Variants in SLIT3 observed in about 807,000 individuals in gnomAD.
SLIT3 encodes the protein slit homolog 3 protein.
In SLIT3, 68 loss-of-function variants were observed where a neutral mutation model predicts 184.0. The observed-to-expected ratio is 0.37, with a 90% CI of 0.30 to 0.45. The LOEUF is 0.45. Among genes scored for constraint, SLIT3 ranks in the 20% least tolerant of loss-of-function variants. SLIT3 has a pLI of 1.00. For missense variants in SLIT3, 1,707 were observed against 2,026.0 expected (o/e 0.84, Z 3.02); for synonymous variants, 831 against 828.6 (o/e 1.00, Z -0.05).
Position 168,774,362 on chromosome 5 carries a change from T to C in SLIT3, c.1168A>G (p.Lys390Glu). ...SLQLLLLNAN[K>E]INCLRVNTFQ... The stretch of plus-strand genomic sequence containing the variant: ...GTGTTCACCCGCAGGCAGTTGATCT[T>C]GTTGGCATTGAGGAGGCTGCAAACA... Residue 390 changes from lysine to glutamate, a missense_variant, in exon 13 of 36, where the codon AAG becomes GAG. Physicochemically the swap from Lys to Glu is moderately conservative, Grantham distance 56 (BLOSUM62 1). Coordinates refer to ENST00000519560, the MANE Select transcript of SLIT3 (RefSeq NM_003062.4). 1.2e-6 allele frequency: 2 copies of C among 1,612,660 alleles called. No individual in the cohort carries two copies. Among genetic ancestry groups the C allele is most frequent in the Non-Finnish European group, 1.7e-6 (2 of 1,179,494 alleles).
intron 4 of SLIT3, among the ~76,000 whole-genome samples, chr5:168,978,880 G>C (rs1754853561): frequency 7.8e-6 from 1 of 128,930 alleles, no homozygotes; most frequent in Admixed American, 9.6e-5. Flanking sequence ...GGAGGGTGCT[G>C]TCATCCACCT....
At chr5:169,140,509 A>AT (rs1280746004) in intron 4 of SLIT3, among the ~76,000 whole-genome samples, 12 of 135,684 alleles carry the variant, frequency 8.8e-5, no homozygotes, top group African/African-American at 3.3e-4. Context: ...AAAAAAAAAA[A>AT]GACGCAGGCG....
intron 8 of SLIT3, among the ~76,000 whole-genome samples, chr5:168,814,604 T>C (rs767693774): frequency 6.6e-6 from 1 of 152,156 alleles, no homozygotes; most frequent in Non-Finnish European, 1.5e-5. Flanking sequence ...CACTCATGTT[T>C]CAACTGCACA....
At chr5:169,292,465 C>A (rs1767389039) in intron 1 of SLIT3, among the ~76,000 whole-genome samples, 1 of 152,098 alleles carries the variant, frequency 6.6e-6, no homozygotes, top group Non-Finnish European at 1.5e-5. Context: ...TATGAACCAA[C>A]AGAACCCCAG....
At chr5:169,034,230 C>T (rs565237524) in intron 4 of SLIT3, among the ~76,000 whole-genome samples, 1 of 152,232 alleles carries the variant, frequency 6.6e-6, no homozygotes, top group East Asian at 1.9e-4. Context: ...CTTTGCTATG[C>T]AGACACTTTT....
intron 29 of SLIT3, among the ~76,000 whole-genome samples, chr5:168,691,019 G>T (rs1582534215): frequency 6.6e-6 from 1 of 152,138 alleles, no homozygotes; most frequent in African/African-American, 2.4e-5. Flanking sequence ...AAGGGGTGGG[G>T]CTGCTTCTCT....
In SLIT3 at chr5:169,098,188, A is replaced by C. The variant is rs116632537; in HGVS notation, c.413+95291T>G. 7.1e-3 allele frequency among the ~76,000 whole-genome samples: 1,081 copies of C among 152,180 alleles called. 20 individuals carry two copies. The highest frequency in any genetic ancestry group is 0.024 in the African/African-American group (995 of 41,534). On this transcript the variant is annotated intron_variant, in intron 4 of 35. Transcript: ENST00000519560. ...TTTCATGCCTTAGAGTTAATTATTCAGTCACGAATTACTCCAGGAAGAACT... is the reference window on the plus strand; with the variant it reads ...TTTCATGCCTTAGAGTTAATTATTCCGTCACGAATTACTCCAGGAAGAACT...
chr5:169,032,654 G>A (rs750981803), intron 4 of SLIT3, among the ~76,000 whole-genome samples: 6 of 147,004 alleles, frequency 4.1e-5, no homozygotes, highest in African/African-American at 1.0e-4. Context: ...GAGTCGATCT[G>A]CTAGTTATTT....
chr5:168,668,056 G>A (rs1360249086), intron 35 of SLIT3, among the ~76,000 whole-genome samples: 2 of 152,114 alleles, frequency 1.3e-5, no homozygotes, highest in Non-Finnish European at 2.9e-5. Context: ...ATAAAATGTG[G>A]AAAAGTCCTC....
chr5:168,795,539 T>A lies in SLIT3; in HGVS notation c.975A>T (p.Gly325=). The change falls in exon 10 of 36, where the codon GGA becomes GGT. Residue 325 remains glycine, a synonymous_variant. Coordinates refer to ENST00000519560, the MANE Select transcript of SLIT3 (RefSeq NM_003062.4). ...EQNSIKAIPA[G]AFTQYKKLKR... ...TCAGTTTCTTGTACTGGGTGAAGGCTCCTGCAGGGATGGCTTTGATGGAGT... is the reference window on the plus strand; with the variant it reads ...TCAGTTTCTTGTACTGGGTGAAGGCACCTGCAGGGATGGCTTTGATGGAGT... The A allele has an allele frequency of 6.2e-7, 1 of 1,613,980 alleles. No individual in the cohort carries two copies. The highest frequency in any genetic ancestry group is 1.1e-5 in the South Asian group (1 of 91,078).
intron 4 of SLIT3, among the ~76,000 whole-genome samples, chr5:169,007,794 C>G (rs1196876568): frequency 6.6e-6 from 1 of 152,214 alleles, no homozygotes; most frequent in Non-Finnish European, 1.5e-5. Flanking sequence ...ACACCTTTTG[C>G]CTTTTGAAAT....
chr5:168,670,685 C>T (rs1761211481), intron 34 of SLIT3, among the ~76,000 whole-genome samples: 2 of 152,166 alleles, frequency 1.3e-5, no homozygotes, highest in African/African-American at 4.8e-5. Flanking sequence ...ACCACATTTC[C>T]AGTGTTGGCT....
intron 4 of SLIT3, among the ~76,000 whole-genome samples, chr5:169,065,682 T>C (rs1204387941): frequency 6.6e-6 from 1 of 152,202 alleles, no homozygotes; most frequent in East Asian, 1.9e-4. Flanking sequence ...CCCATGCCAC[T>C]GTGGGGCAAC....
In SLIT3 at chr5:168,687,029, C is replaced by G. The variant is rs1271578182; in HGVS notation, c.3264G>C (p.Gln1088His). The G allele has an allele frequency of 5.0e-6, 8 of 1,614,278 alleles. No individual in the cohort carries two copies. The highest frequency in any genetic ancestry group is 6.8e-6 in the Non-Finnish European group (8 of 1,180,038). Residue 1088 changes from glutamine to histidine, a missense_variant, in exon 30 of 36, where the codon CAG becomes CAC. Physicochemically the swap from Gln to His is conservative, Grantham distance 24. Transcript: ENST00000519560. ...TGTAGCCATTGATTGTGTCCACGCA[C>G]TGGGCCCCGTGGCGGCACTTGTGGG... The part of the protein sequence containing the change: ...CVAHKCRHGA[Q>H]CVDTINGYTC...
At chr5:169,202,289 A>G (rs1763925972) in intron 3 of SLIT3, among the ~76,000 whole-genome samples, 3 of 152,098 alleles carry the variant, frequency 2.0e-5, no homozygotes, top group African/African-American at 7.2e-5. Context: ...CCATCTATCC[A>G]TCCTTCCTTC....
intron 4 of SLIT3, among the ~76,000 whole-genome samples, chr5:169,096,447 T>A (rs1759785012): frequency 6.6e-6 from 1 of 152,248 alleles, no homozygotes; most frequent in South Asian, 2.1e-4. Flanking sequence ...GCTCTGCAAG[T>A]CTTAAGGTTC....
intron 18 of SLIT3, chr5:168,752,388 G>GTTTTTTTTTTTTTTT (rs35984907): frequency 2.7e-5 from 3 of 109,752 alleles, no homozygotes; most frequent in Non-Finnish European, 5.2e-5. Context: ...AAAGCCCCTG[G>GTTTTTTTTTTTTTTT]TTTTTTTTTT....
At chr5:169,252,791 T>C (rs1347985182) in intron 1 of SLIT3, among the ~76,000 whole-genome samples, 1 of 152,182 alleles carries the variant, frequency 6.6e-6, no homozygotes, top group African/African-American at 2.4e-5. Flanking sequence ...ACCCTGCAAT[T>C]ATGCCTCCTT....
chr5:168,967,665 C>A (rs371894653), intron 4 of SLIT3, among the ~76,000 whole-genome samples: 1 of 139,732 alleles, frequency 7.2e-6, no homozygotes, highest in South Asian at 2.3e-4. Flanking sequence ...TGGTCTCGAT[C>A]TCCTGACCTC....
Sources: allele counts gnomAD v4.1 joint callset (sites outside exome capture counted in the v4.1 genomes callset), GRCh38; gene constraint gnomAD v4.1.1; transcripts MANE v1.5; gene names NCBI Gene and HGNC (gene_info 2026-07-23, HGNC 2026-07-21).